LIG1: variants seen among roughly 807,000 people sequenced by gnomAD.
LIG1 encodes DNA ligase 1, also known as ligase I, DNA, ATP-dependent.
In LIG1, 70 loss-of-function variants were observed where a neutral mutation model predicts 115.7. The observed-to-expected ratio is 0.60, with a 90% confidence interval of 0.50 to 0.74. The LOEUF (loss-of-function observed/expected upper bound fraction) is 0.74, where lower values mean the gene tolerates loss of function less well. LIG1 is among the 30% of genes least tolerant of loss of function. LIG1 has a pLI of 0.00. For synonymous variants in LIG1, 487 were observed against 495.3 expected, an observed-to-expected ratio of 0.98 and a Z score of 0.22; for missense variants, 1,115 against 1,225.6, an observed-to-expected ratio of 0.91 and a Z score of 1.35.
chr19:48,158,232 G>A (rs2035971194), intron 4 of LIG1, among the ~76,000 whole-genome samples: 1 of 152,122 alleles, frequency 6.6e-6, no homozygotes, highest in African/African-American at 2.4e-5. Flanking sequence ...ATGCAAAATG[G>A]ACTAACATGC....
Position 48,127,280 on chromosome 19 carries a change from T to C in LIG1, c.2001A>G (p.Gly667=). The change falls in exon 21 of 28, where the codon GGA becomes GGG. Residue 667 remains glycine, a synonymous_variant. Transcript: ENST00000263274. ...TGGACAGGAAGCTGGAACTCACCTC[T>C]CCATTGAGGTAGATGAGGTCGAAGG... ...LYAFDLIYLN[G]ESLVREPLSR... 1.2e-6 allele frequency: 2 copies of C among 1,612,894 alleles called. No homozygotes were observed. Among genetic ancestry groups the C allele is most frequent in the Non-Finnish European group, 1.7e-6 (2 of 1,179,196 alleles).
chr19:48,144,492 G>A (rs1203881248), intron 9 of LIG1, among the ~76,000 whole-genome samples: 1 of 152,136 alleles, frequency 6.6e-6, no homozygotes, highest in Non-Finnish European at 1.5e-5. Flanking sequence ...AATCAGACAT[G>A]GGAGGAAGGG....
Position 48,128,012 on chromosome 19 carries a change from G to C in LIG1, c.1830C>G (p.Leu610=). 6.2e-7 allele frequency: 1 copy of C among 1,613,916 alleles called. No homozygotes were observed. ...DIISRIPKIK[L]PSVTSFILDT... ...CCAGGATGAAGGATGTGACCGATGG[G>C]AGTTTAATCTGAAAAGTGAAGGGAG... Residue 610 remains leucine, a synonymous_variant, in exon 20 of 28, where the codon CTC becomes CTG. Coordinates refer to ENST00000263274, the MANE Select transcript of LIG1 (RefSeq NM_000234.3).
rs3745736 is a variant in LIG1, at chr19:48,119,096, G to A, written c.2439+41C>T. The A allele has an allele frequency of 3.5e-4, 526 of 1,503,542 alleles. 3 individuals are homozygous for A. In the East Asian group the frequency reaches 0.011, roughly 31 times the overall value. 93.1% of individuals were successfully genotyped at this position (1,503,542 alleles called of 1,614,324 possible). A position where few individuals can be genotyped will look rare whatever the true frequency, so the allele number is the denominator to read the frequency against. Reference sequence around the variant, plus strand: ...AAGGACTGTGCTGTCAGGGGCAGGGGGGAGAGGGGTGGAGGCTGAGGCGCA... The same window carrying A: ...AAGGACTGTGCTGTCAGGGGCAGGGAGGAGAGGGGTGGAGGCTGAGGCGCA... On this transcript the variant is annotated intron_variant, in intron 25 of 27. Transcript: ENST00000263274.
At chr19:48,140,588 TA>T (rs2034678404) in intron 11 of LIG1, among the ~76,000 whole-genome samples, 2 of 152,186 alleles carry the variant, frequency 1.3e-5, no homozygotes, top group Admixed American at 6.5e-5. Flanking sequence ...AATTTAGGTT[TA>T]GGGGTCACGC....
intron 20 of LIG1, chr19:48,127,562 C>A: frequency 1.6e-6 from 1 of 616,170 alleles, no homozygotes; most frequent in Non-Finnish European, 2.9e-6. Context: ...GATATTTGCT[C>A]TCCTAGACTT....
chr19:48,140,763 G>A (rs1399887599), intron 11 of LIG1, among the ~76,000 whole-genome samples: 1 of 152,030 alleles, frequency 6.6e-6, no homozygotes, highest in Non-Finnish European at 1.5e-5. Flanking sequence ...AAGACAGCAA[G>A]AAAACCTCCC....
rs766768659 is a variant in LIG1, at chr19:48,137,019, C to T, written c.1320G>A (p.Arg440=). 259 of 1,612,526 alleles carry T rather than the reference C, an allele frequency of 1.6e-4. No individual in the cohort carries two copies. The highest frequency in any genetic ancestry group is 2.1e-4 in the Non-Finnish European group (250 of 1,179,456). ...GCCCACACGCTTACCTAGCGATGAACCGGGCTTCTGAGTGGCGGCAGGCCA... is the reference window on the plus strand; with the variant it reads ...GCCCACACGCTTACCTAGCGATGAATCGGGCTTCTGAGTGGCGGCAGGCCA... ...LFVACRHSEA[R]FIARSLSGRL... is the part of the protein sequence containing the mutation. Residue 440 remains arginine, a synonymous_variant, in exon 14 of 28, where the codon CGG becomes CGA. Coordinates refer to ENST00000263274, the MANE Select transcript of LIG1 (RefSeq NM_000234.3). The surrounding 1 kb of genome is among the most constrained non-coding windows in gnomAD (Gnocchi z 4.3).
At chr19:48,141,424 G>A (rs890653019) in intron 11 of LIG1, among the ~76,000 whole-genome samples, 4 of 152,134 alleles carry the variant, frequency 2.6e-5, no homozygotes, top group African/African-American at 4.8e-5. Context: ...GAGCCAACAC[G>A]GCCAGCCCTT....
intron 19 of LIG1, 78 bp downstream of exon 19, chr19:48,130,998 C>G (rs2033982532): frequency 1.7e-6 from 2 of 1,170,384 alleles, no homozygotes; most frequent in African/African-American, 3.0e-5. Flanking sequence ...CTGTGCCACA[C>G]TGGCCTAGAT....
rs756578359 is a variant in LIG1, at chr19:48,137,114, C to G, written c.1255-30G>C. 2.5e-6 allele frequency: 4 copies of G among 1,574,910 alleles called. No individual in the cohort carries two copies. The highest frequency in any genetic ancestry group is 3.5e-6 in the Non-Finnish European group (4 of 1,147,982). Reference sequence around the variant, plus strand: ...AGAGTCAGGGGAAGAGCCGTCAGTGCCTGGTGAAGGCAGGGACCACACCTC... The same window carrying G: ...AGAGTCAGGGGAAGAGCCGTCAGTGGCTGGTGAAGGCAGGGACCACACCTC... On this transcript the variant is annotated intron_variant, in intron 13 of 27. Coordinates refer to ENST00000263274, the MANE Select transcript of LIG1 (RefSeq NM_000234.3). The surrounding 1 kb of genome is among the most constrained non-coding windows in gnomAD (Gnocchi z 4.3).
intron 17 of LIG1, 197 bp from the exon 18 acceptor site, chr19:48,133,294 G>T: frequency 1.7e-6 from 1 of 598,666 alleles, no homozygotes; most frequent in Non-Finnish European, 3.0e-6. Context: ...AGGTGGGAAA[G>T]GCCATGTGAT....
intron 1 of LIG1, among the ~76,000 whole-genome samples, chr19:48,166,199 C>T (rs1185649600): frequency 6.6e-6 from 1 of 152,166 alleles, no homozygotes; most frequent in Non-Finnish European, 1.5e-5. Flanking sequence ...GAGTTCAAGA[C>T]CAGCCTGGCT....
Position 48,133,023 on chromosome 19 carries a change from C to G in LIG1, c.1684G>C (p.Ala562Pro). The change falls in exon 18 of 28, where the codon GCT (alanine) becomes CCT (proline). Residue 562 changes from alanine (A) to proline (P), a missense_variant. Physicochemically the swap from Ala to Pro is conservative, Grantham distance 27. Coordinates refer to ENST00000263274, the MANE Select transcript of LIG1 (RefSeq NM_000234.3). ...SEVLKRFEEA[A>P]FTCEYKYDGQ... Reference sequence around the variant, plus strand: ...TCATATTTGTATTCGCAGGTGAAAGCTGCCTCCTCAAAGCGTTTCAGGACC... The same window carrying G: ...TCATATTTGTATTCGCAGGTGAAAGGTGCCTCCTCAAAGCGTTTCAGGACC... 6.2e-7 allele frequency: 1 copy of G among 1,614,098 alleles called. No homozygotes were observed. Among genetic ancestry groups the G allele is most frequent in the Non-Finnish European group, 8.5e-7 (1 of 1,179,990 alleles).
intron 5 of LIG1, 29 bp from the exon 6 acceptor site, chr19:48,153,996 G>A: frequency 6.3e-7 from 1 of 1,589,584 alleles, no homozygotes; most frequent in Non-Finnish European, 8.6e-7. Context: ...TGGTGTATCT[G>A]ACCTCGCTGG....
intron 5 of LIG1, among the ~76,000 whole-genome samples, chr19:48,155,055 T>G (rs1211884988): frequency 1.3e-5 from 2 of 152,126 alleles, no homozygotes; most frequent in Non-Finnish European, 1.5e-5. Context: ...TAGCTCAATG[T>G]TGCTCCCTCT....
In LIG1 at chr19:48,133,092, G is replaced by A. The variant is rs777077640; in HGVS notation, c.1615C>T (p.Pro539Ser). ...PEHCKLSPGI[P>S]LKPMLAHPTR... ...GGATGGGCCAACATTGGTTTCAGGG[G>A]AATCCCTGGGAAAGGAGGAGAGTGA... The change falls in exon 18 of 28, where the codon CCC becomes TCC. Residue 539 changes from proline (P) to serine (S), a missense_variant. Transcript: ENST00000263274. 2 of 1,604,076 alleles carry A rather than the reference G, an allele frequency of 1.2e-6. No individual in the cohort carries two copies. The highest frequency in any genetic ancestry group is 2.2e-5 in the South Asian group (2 of 90,890).
chr19:48,137,632 C>A lies in LIG1; in HGVS notation c.1144G>T (p.Val382Leu). The change falls in exon 13 of 28, where the codon GTG becomes TTG. Residue 382 changes from valine (V) to leucine (L), a missense_variant. Val to Leu is a conservative substitution (Grantham distance 32). Coordinates refer to ENST00000263274, the MANE Select transcript of LIG1 (RefSeq NM_000234.3). The surrounding 1 kb of genome is among the most constrained non-coding windows in gnomAD (Gnocchi z 4.3). ...TGGGTGCTGCGGCTGTTCTCGGCCA[C>A]CAGCCCCACGTCGCCTTTCTCGGCT... ...EAAEKGDVGL[V>L]AENSRSTQRL... 1 of 1,610,966 alleles carries A rather than the reference C, an allele frequency of 6.2e-7. No homozygotes were observed. The highest frequency in any genetic ancestry group is 8.5e-7 in the Non-Finnish European group (1 of 1,179,786).
At chr19:48,164,573 G>A (rs939306000) in intron 2 of LIG1, among the ~76,000 whole-genome samples, 1 of 152,166 alleles carries the variant, frequency 6.6e-6, no homozygotes, top group African/African-American at 2.4e-5. Flanking sequence ...CAGTGAAACT[G>A]GGCTCTAACA....
Sources: gnomAD v4.1 joint callset for allele counts (sites outside exome capture counted in the v4.1 genomes callset) on GRCh38, gnomAD v4.1.1 for gene constraint, Gnocchi (gnomAD v3.1) non-coding constraint, MANE v1.5 for transcripts, NCBI Gene and HGNC (gene_info 2026-07-23, HGNC 2026-07-21) for gene names.